The following KHDC1 variants were observed in gnomAD, a reference collection of about 807,000 sequenced individuals.
The protein encoded by KHDC1 is KH domain containing 1, also known as KH homology domain-containing protein 1.
In KHDC1, 21 loss-of-function variants were observed where a neutral mutation model predicts 24.7. The observed-to-expected ratio is 0.85, with a 90% CI of 0.60 to 1.23. The LOEUF (loss-of-function observed/expected upper bound fraction) is 1.23, where lower values mean the gene tolerates loss of function less well. Among genes scored for constraint, KHDC1 ranks in the 50% most tolerant of loss-of-function variants. The pLI, the probability that KHDC1 is intolerant of heterozygous loss-of-function variation, is 0.00. For missense variants in KHDC1, 274 were observed against 298.5 expected, an observed-to-expected ratio of 0.92 and a Z score of 0.61; for synonymous variants, 98 against 111.7, an observed-to-expected ratio of 0.88 and a Z score of 0.77.
At chr6:73,257,632 C>T (rs1169911176) in intron 2 of KHDC1, among the ~76,000 whole-genome samples, 1 of 151,856 alleles carries the variant, frequency 6.6e-6, no homozygotes. Context: ...CTCCTGACCT[C>T]GTGATCCACC....
intron 1 of KHDC1, among the ~76,000 whole-genome samples, chr6:73,295,044 C>T (rs899865904): frequency 6.6e-6 from 1 of 152,050 alleles, no homozygotes; most frequent in Non-Finnish European, 1.5e-5. Flanking sequence ...GTCCCAGCTA[C>T]TTGGGAGGCT....
intron 2 of KHDC1, 63 bp downstream of exon 1, chr6:73,262,711 A>G (rs1767002209): frequency 1.0e-6 from 1 of 983,946 alleles, no homozygotes; most frequent in South Asian, 4.7e-5. Flanking sequence ...CACTTTCCTT[A>G]TCTGTAAGAT....
At chr6:73,243,958 A>G (rs1275596807) in intron 2 of KHDC1, among the ~76,000 whole-genome samples, 1 of 152,188 alleles carries the variant, frequency 6.6e-6, no homozygotes, top group East Asian at 1.9e-4. Context: ...CGCCTTTTCT[A>G]GTAGAAAAGT....
At chr6:73,299,408 TCA>T (rs946791719) in intron 1 of KHDC1, 1 of 152,278 alleles carries the variant, frequency 6.6e-6, no homozygotes, top group African/African-American at 2.4e-5. Context: ...ACAGCGCGGT[TCA>T]CATTCTCTTC....
intron 2 of KHDC1, among the ~76,000 whole-genome samples, chr6:73,278,566 T>G (rs980919997): frequency 7.2e-5 from 11 of 152,180 alleles, no homozygotes; most frequent in Non-Finnish European, 1.6e-4. Context: ...TTGGTTTTAC[T>G]TTTATTTATA....
chr6:73,250,997 G>C (rs946610601), intron 2 of KHDC1, among the ~76,000 whole-genome samples: 2 of 152,000 alleles, frequency 1.3e-5, no homozygotes, highest in African/African-American at 4.8e-5. Flanking sequence ...GCTAATTTTT[G>C]TATTTTTAGT....
intron 1 of KHDC1, among the ~76,000 whole-genome samples, chr6:73,302,651 T>C (rs371799591): frequency 7.2e-5 from 11 of 152,230 alleles, no homozygotes; most frequent in African/African-American, 2.2e-4. Flanking sequence ...ATTCTGATGG[T>C]TACGACGCCA....
chr6:73,273,148 C>G (rs567827225), intron 2 of KHDC1, among the ~76,000 whole-genome samples: 1 of 148,814 alleles, frequency 6.7e-6, no homozygotes, highest in South Asian at 2.1e-4. Context: ...CGTGAGCCAC[C>G]GCGCCCAGCT....
chr6:73,309,571 A>G (rs1437448362), exon 1 of KHDC1: 2 of 1,525,574 alleles, frequency 1.3e-6, no homozygotes, highest in Non-Finnish European at 1.8e-6. Context: ...TGCGGATCCA[A>G]AGGTGGAAAG....
intron 2 of KHDC1, among the ~76,000 whole-genome samples, chr6:73,283,345 G>T (rs537515403): frequency 5.2e-4 from 77 of 146,722 alleles, no homozygotes; most frequent in Admixed American, 9.5e-4. Flanking sequence ...TTTTTAAAAA[G>T]AAGCAGCTTG....
In KHDC1 at chr6:73,242,246, A is replaced by G. The variant is rs371257118; in HGVS notation, c.332-9T>C. 9.0e-5 allele frequency: 145 copies of G among 1,611,390 alleles called. No individual in the cohort carries two copies. The highest frequency in any genetic ancestry group is 6.0e-4 in the African/African-American group (45 of 75,038). ...GTATGTGTCACCATGCCCTGTGAGC[A>G]TAAGAGGTGAGAGGAGGTTCTGTCA... On this transcript the variant is annotated splice_polypyrimidine_tract_variant and intron_variant, in intron 3 of 4. Coordinates refer to ENST00000370384, the Ensembl canonical transcript of KHDC1.
At chr6:73,262,806 C>CA (rs753103434) in intron 2 of KHDC1, 11 of 985,466 alleles carry the variant, frequency 1.1e-5, no homozygotes, top group African/African-American at 1.7e-5. Flanking sequence ...ACACGCAACT[C>CA]ACTGACTCAA....
rs200281303 is a variant in KHDC1, at chr6:73,272,002, A to AT, written c.206+19995dup. Among the ~76,000 whole-genome samples, 675 of 145,368 alleles carry AT rather than the reference A, an allele frequency of 4.6e-3. 1 individual carries two copies. Among genetic ancestry groups the AT allele is most frequent in the Non-Finnish European group, 7.6e-3 (497 of 65,522 alleles). On this transcript the variant is annotated intron_variant, in intron 2 of 4. Coordinates refer to ENST00000370384, the Ensembl canonical transcript of KHDC1. ...AATCAACTCTTTATAGTGTAATCCC[A>AT]TTTAAAAAAAAAGGTTACAAATTGT...
intron 3 of KHDC1, 65 bp from the exon 3 acceptor site, chr6:73,242,302 C>G: frequency 6.2e-7 from 1 of 1,602,702 alleles, no homozygotes; most frequent in South Asian, 1.1e-5. Context: ...GGGGAGGTGG[C>G]CTTCAGGGTA....
intron 2 of KHDC1, among the ~76,000 whole-genome samples, chr6:73,277,196 G>A (rs926995178): frequency 1.3e-5 from 2 of 152,116 alleles, no homozygotes; most frequent in East Asian, 1.9e-4. Context: ...GGTCGGGCAC[G>A]GTGGCTCACA....
intron 2 of KHDC1, among the ~76,000 whole-genome samples, chr6:73,253,254 T>C (rs2150558800): frequency 6.6e-6 from 1 of 152,248 alleles, no homozygotes; most frequent in East Asian, 1.9e-4. Context: ...TGAATTATCA[T>C]TGGAATAAAC....
intron 2 of KHDC1, 147 bp from the exon 2 acceptor site, chr6:73,242,677 T>G: frequency 1.9e-4 from 159 of 845,116 alleles, no homozygotes; most frequent in Middle Eastern, 5.6e-4. Flanking sequence ...CCGGTATCTC[T>G]TCCCAAGATA....
At chr6:73,258,424 C>CAG (rs1167590366) in intron 2 of KHDC1, among the ~76,000 whole-genome samples, 1 of 151,612 alleles carries the variant, frequency 6.6e-6, no homozygotes, top group African/African-American at 2.4e-5. Context: ...GCCTAGGTGA[C>CAG]AGAGAGAGAC....
At chr6:73,309,866 G>C (rs1768047923) in exon 1 of KHDC1, 1 of 867,014 alleles carries the variant, frequency 1.2e-6, no homozygotes, top group South Asian at 1.7e-5. Flanking sequence ...TCGGGTCGGG[G>C]TCAACCCAGA....
Sources: allele counts gnomAD v4.1 joint callset (sites outside exome capture counted in the v4.1 genomes callset), GRCh38; gene constraint gnomAD v4.1.1; transcripts MANE v1.5; gene names NCBI Gene and HGNC (gene_info 2026-07-23, HGNC 2026-07-21).